Variants in STK38L observed in about 807,000 individuals in gnomAD.
The protein encoded by STK38L is serine/threonine kinase 38 like.
In STK38L, 28 loss-of-function variants were observed where a neutral mutation model predicts 59.7. The ratio of observed to expected loss-of-function variants is 0.47; its 90% CI spans 0.35 to 0.64. STK38L has a LOEUF of 0.64. Among genes scored for constraint, STK38L ranks in the 30% least tolerant of loss-of-function variants. The probability of loss-of-function intolerance (pLI) is 0.01; values close to 1 mark genes in which losing one functional copy is unlikely to be tolerated. For missense variants in STK38L, 314 were observed against 555.8 expected, an observed-to-expected ratio of 0.56 and a Z score of 4.37; for synonymous variants, 162 against 176.8, an observed-to-expected ratio of 0.92 and a Z score of 0.66.
At chr12:27,254,008 C>T (rs1943033636) in intron 1 of STK38L, among the ~76,000 whole-genome samples, 1 of 152,168 alleles carries the variant, frequency 6.6e-6, no homozygotes, top group Non-Finnish European at 1.5e-5. Flanking sequence ...TCTCTTGCTT[C>T]CATTTTGTGA....
chr12:27,283,507 C>A (rs932714902), intron 1 of STK38L, among the ~76,000 whole-genome samples: 1 of 152,134 alleles, frequency 6.6e-6, no homozygotes, highest in East Asian at 1.9e-4. Context: ...AACACTGACA[C>A]CCTGAGAGTT....
intron 1 of STK38L, among the ~76,000 whole-genome samples, chr12:27,272,511 C>A (rs1461232966): frequency 6.6e-6 from 1 of 152,082 alleles, no homozygotes; most frequent in Non-Finnish European, 1.5e-5. Context: ...TAAAGGATTG[C>A]AAATTAATTA....
intron 1 of STK38L, among the ~76,000 whole-genome samples, chr12:27,259,682 C>G (rs1324765283): frequency 1.3e-5 from 2 of 152,126 alleles, no homozygotes; most frequent in Non-Finnish European, 2.9e-5. Flanking sequence ...ACACCATTTA[C>G]CTTAACCAAC....
intron 1 of STK38L, among the ~76,000 whole-genome samples, chr12:27,272,899 A>C (rs1943454454): frequency 6.6e-6 from 1 of 152,186 alleles, no homozygotes; most frequent in Admixed American, 6.5e-5. Flanking sequence ...TCTGATAAGT[A>C]CTGAAAACTT....
intron 5 of STK38L, 116 bp from the exon 6 acceptor site, chr12:27,312,433 C>T: frequency 8.9e-7 from 1 of 1,118,128 alleles, no homozygotes; most frequent in Non-Finnish European, 1.3e-6. Flanking sequence ...TGTATCAAAT[C>T]TTCTGAAACT....
intron 1 of STK38L, among the ~76,000 whole-genome samples, chr12:27,269,703 C>T (rs1436297083): frequency 8.5e-5 from 13 of 152,076 alleles, no homozygotes; most frequent in African/African-American, 2.9e-4. Flanking sequence ...AGTGCAATGG[C>T]GTGATCTTGG....
At chr12:27,270,759 C>T (rs1383445143) in intron 1 of STK38L, among the ~76,000 whole-genome samples, 1 of 152,106 alleles carries the variant, frequency 6.6e-6, no homozygotes, top group African/African-American at 2.4e-5. Context: ...AGGGATCCTC[C>T]CACCTCCACC....
Position 27,314,562 on chromosome 12 carries a change from C to A in STK38L, c.576C>A (p.Phe192Leu). The A allele has an allele frequency of 6.2e-7, 1 of 1,606,976 alleles. No homozygotes were observed. Among genetic ancestry groups the A allele is most frequent in the Non-Finnish European group, 8.5e-7 (1 of 1,176,652 alleles). The change falls in exon 7 of 14, where the codon TTC becomes TTA. Residue 192 changes from phenylalanine (F) to leucine (L), a missense_variant. Phe to Leu is a conservative substitution (Grantham distance 22, BLOSUM62 0). This residue lies in a region of STK38L where 192 missense variants were observed against 316.9 expected (regional missense o/e 0.61). Transcript: ENST00000389032. ...CCTTGACAGAAGAGGAAACACAGTTCTACATTTCAGAGACTGTTCTGGCAA... is the reference window on the plus strand; with the variant it reads ...CCTTGACAGAAGAGGAAACACAGTTATACATTTCAGAGACTGTTCTGGCAA... ...KDTLTEEETQ[F>L]YISETVLAID...
At chr12:27,320,448 T>C (rs1944699265) in intron 12 of STK38L, among the ~76,000 whole-genome samples, 1 of 144,670 alleles carries the variant, frequency 6.9e-6, no homozygotes, top group African/African-American at 2.6e-5. Context: ...GTTGATTTTT[T>C]TTTTTTTTTT....
intron 3 of STK38L, chr12:27,302,445 G>A (rs1362210372): frequency 2.1e-5 from 6 of 286,212 alleles, no homozygotes; most frequent in Non-Finnish European, 2.6e-5. Context: ...GGCAAGCTCC[G>A]GGAGGAATTA....
At chr12:27,288,445 G>A (rs1043515420) in intron 1 of STK38L, among the ~76,000 whole-genome samples, 1 of 152,038 alleles carries the variant, frequency 6.6e-6, no homozygotes, top group Non-Finnish European at 1.5e-5. Context: ...ATGGAAGCAT[G>A]GCTCAGCTGA....
intron 3 of STK38L, among the ~76,000 whole-genome samples, chr12:27,306,450 ACTTTTTAGAGCT>A (rs1443469908): frequency 6.6e-6 from 1 of 152,040 alleles, no homozygotes; most frequent in Non-Finnish European, 1.5e-5. Context: ...AAAATCAGAT[ACTTTTTAGAGCT>A]CTCTTTTGTT....
Position 27,324,893 on chromosome 12 carries a change from A to G in STK38L, c.*2438A>G, listed in dbSNP as rs1944806234. 6.6e-6 allele frequency: 1 copy of G among 152,138 alleles called. No homozygotes were observed. Among genetic ancestry groups the G allele is most frequent in the Non-Finnish European group, 1.5e-5 (1 of 67,968 alleles). 9.4% of individuals were successfully genotyped at this position (152,138 alleles called of 1,614,324 possible). A position where few individuals can be genotyped will look rare whatever the true frequency, so the allele number is the denominator to read the frequency against. ...ATTTCAGGTGAATAATTTAATTTAAATGACAAAACCCTATCTAGTCAACTG... is the reference window on the plus strand; with the variant it reads ...ATTTCAGGTGAATAATTTAATTTAAGTGACAAAACCCTATCTAGTCAACTG... On this transcript the variant is annotated 3_prime_UTR_variant, in exon 14 of 14. Coordinates refer to ENST00000389032, the MANE Select transcript of STK38L (RefSeq NM_015000.4).
chr12:27,254,848 C>T (rs930137962), intron 1 of STK38L, among the ~76,000 whole-genome samples: 2 of 152,170 alleles, frequency 1.3e-5, no homozygotes, highest in African/African-American at 4.8e-5. Context: ...TCAAGTACCT[C>T]CACACCTCTT....
chr12:27,320,751 G>C (rs936541515), intron 12 of STK38L, among the ~76,000 whole-genome samples: 57 of 150,398 alleles, frequency 3.8e-4, no homozygotes, highest in Non-Finnish European at 5.6e-4. Flanking sequence ...GAGAAGTTAA[G>C]TAATGTGACT....
chr12:27,320,705 T>C (rs571606063), intron 12 of STK38L, among the ~76,000 whole-genome samples: 3 of 152,244 alleles, frequency 2.0e-5, no homozygotes, highest in South Asian at 2.1e-4. Context: ...GGAACTGTTA[T>C]TATCCCTGTC....
rs1279743383 is a variant in STK38L, at chr12:27,308,140, T to A, written c.187-199T>A. ...AATATGATGGACTGAATTACATATT[T>A]AATGGAGTCCACCTCAAAAGTAAAG... On this transcript the variant is annotated intron_variant, in intron 3 of 13. Coordinates refer to ENST00000389032, the MANE Select transcript of STK38L (RefSeq NM_015000.4). This position sits in a 1 kb window ranked among gnomAD's most constrained non-coding sequence, Gnocchi z 4.5. 6.6e-6 allele frequency among the ~76,000 whole-genome samples: 1 copy of A among 151,974 alleles called. No individual in the cohort carries two copies. The highest frequency in any genetic ancestry group is 1.5e-5 in the Non-Finnish European group (1 of 67,994).
chr12:27,250,544 C>T (rs1008073566), intron 1 of STK38L, among the ~76,000 whole-genome samples: 1 of 152,160 alleles, frequency 6.6e-6, no homozygotes, highest in African/African-American at 2.4e-5. Flanking sequence ...CCTTACTATG[C>T]ACCAGACATA....
intron 3 of STK38L, among the ~76,000 whole-genome samples, chr12:27,306,714 A>AACACACGCACACACACACACAC (rs1944322313): frequency 1.4e-5 from 2 of 139,084 alleles, no homozygotes; most frequent in African/African-American, 5.4e-5. Context: ...GAATTTTATA[A>AACACACGCACACACACACACAC]ACACACACAC....
Sources: allele counts gnomAD v4.1 joint callset (sites outside exome capture counted in the v4.1 genomes callset), GRCh38; gene constraint gnomAD v4.1.1; regional missense constraint gnomAD v4.1.1; non-coding constraint Gnocchi (gnomAD v3.1); transcripts MANE v1.5; gene names NCBI Gene and HGNC (gene_info 2026-07-23, HGNC 2026-07-21).